The following CABLES2 variants were observed in gnomAD, a reference collection of about 807,000 sequenced individuals.
CABLES2 encodes Cdk5 and Abl enzyme substrate 2, also known as CDK5 and ABL1 enzyme substrate 2.
Under a neutral mutation model 44.8 loss-of-function variants are expected in CABLES2, and 35 were observed. That is an observed-to-expected ratio of 0.78 (90% CI 0.60 to 1.04). The LOEUF (loss-of-function observed/expected upper bound fraction) is 1.04, where lower values mean the gene tolerates loss of function less well. Ranked by LOEUF, CABLES2 falls within the 50% of genes least tolerant of loss-of-function variation. The pLI is 0.00. For synonymous variants in CABLES2, 282 were observed against 281.1 expected (o/e 1.00, Z -0.03); for missense variants, 566 against 615.7 (o/e 0.92, Z 0.85).
In CABLES2 at chr20:62,397,898, G is replaced by A. The variant is rs1469824097; in HGVS notation, c.363-1306C>T. Among the ~76,000 whole-genome samples, 6 of 149,058 alleles carry A rather than the reference G, an allele frequency of 4.0e-5. No individual in the cohort carries two copies. The East Asian group carries it at 1.2e-3, about 31-fold the overall frequency. On this transcript the variant is annotated intron_variant, in intron 1 of 9. Transcript: ENST00000279101. ...AGCAGTTGGTGGTGGTGATGGCGGT[G>A]GTGGTGATGGTGATGGCAGTGGTGA...
At chr20:62,398,059 T>TGGTGGTGGTGAC (rs1180729185) in intron 1 of CABLES2, among the ~76,000 whole-genome samples, 10,652 of 77,614 alleles carry the variant, frequency 0.14, 971 homozygotes, top group Admixed American at 0.17. Flanking sequence ...GTGATGGCGA[T>TGGTGGTGGTGAC]GGTGGTGGTG....
At chr20:62,395,452 A>G (rs982249595) in intron 3 of CABLES2, among the ~76,000 whole-genome samples, 1 of 152,194 alleles carries the variant, frequency 6.6e-6, no homozygotes, top group Non-Finnish European at 1.5e-5. Flanking sequence ...GCGGGGCTCA[A>G]CACCACCAGA....
rs2146417763 is a variant in CABLES2 at position 62,391,758 on chromosome 20, T to G, written c.1092-305A>C. Among the ~76,000 whole-genome samples, 1 of 136,602 alleles carries G rather than the reference T, an allele frequency of 7.3e-6. No homozygotes were observed. The highest frequency in any genetic ancestry group is 1.6e-5 in the Non-Finnish European group (1 of 61,386). The allele number at this position is 136,602 out of a possible 152,430, so 89.6% of individuals were successfully genotyped here. A position where few individuals can be genotyped will look rare whatever the true frequency, so the allele number is the denominator to read the frequency against. The stretch of plus-strand genomic sequence containing the variant: ...AGGCTCTGCTCTCGGTGGGGGGCAG[T>G]GGTCTCTGATGAGGGGTGGTTTTAG... On this transcript the variant is annotated intron_variant, in intron 8 of 9. Transcript: ENST00000279101. The surrounding 1 kb of genome is among the most constrained non-coding windows in gnomAD (Gnocchi z 5.7).
intron 4 of CABLES2, 117 bp from the exon 5 acceptor site, chr20:62,394,382 C>A: frequency 1.3e-6 from 1 of 758,500 alleles, no homozygotes; most frequent in Non-Finnish European, 2.2e-6. Context: ...CACAGCCCCT[C>A]GGGAAAGAAA....
chr20:62,398,288 A>ATGG (rs768769691), intron 1 of CABLES2, among the ~76,000 whole-genome samples: 3 of 59,196 alleles, frequency 5.1e-5, no homozygotes, highest in Admixed American at 2.8e-4. Context: ...GGTGGTGGTG[A>ATGG]TGGTGGCGAT....
At position 62,391,746 on chromosome 20, in the gene CABLES2, G is replaced by A. The variant is rs1158181541; in HGVS notation, c.1092-293C>T. Among the ~76,000 whole-genome samples the A allele has an allele frequency of 1.1e-4, 16 of 152,160 alleles. No homozygotes were observed. In the East Asian group the frequency reaches 1.9e-3, roughly 18 times the overall value. ...GCCACAGAGGACAGGCTCTGCTCTC[G>A]GTGGGGGGCAGTGGTCTCTGATGAG... On this transcript the variant is annotated intron_variant, in intron 8 of 9. Transcript: ENST00000279101. The surrounding 1 kb of genome is among the most constrained non-coding windows in gnomAD (Gnocchi z 5.7).
Position 62,391,590 on chromosome 20 carries a change from G to A in CABLES2, c.1092-137C>T. On this transcript the variant is annotated intron_variant, in intron 8 of 9. Coordinates refer to ENST00000279101, the MANE Select transcript of CABLES2 (RefSeq NM_031215.3). The surrounding 1 kb of genome is among the most constrained non-coding windows in gnomAD (Gnocchi z 5.7). ...ACACCACCGCATCCTTCAGGGGATGGTACCCTCCGCCGTACCATGTATAAC... is the reference window on the plus strand; with the variant it reads ...ACACCACCGCATCCTTCAGGGGATGATACCCTCCGCCGTACCATGTATAAC... 4.6e-6 allele frequency: 4 copies of A among 866,526 alleles called. No individual in the cohort carries two copies. Among genetic ancestry groups the A allele is most frequent in the South Asian group, 1.6e-5 (1 of 63,896 alleles). 53.7% of individuals were successfully genotyped at this position (866,526 alleles called of 1,614,324 possible). A position where few individuals can be genotyped will look rare whatever the true frequency, so the allele number is the denominator to read the frequency against.
rs768065458 is a variant in CABLES2 at position 62,394,269 on chromosome 20, C to G, written c.606-4G>C. ...CTGGCTGTCCACCCTCAGGTCACTG[C>G]AAACATGGGAGAGGCAAGGGGCTGT... is the stretch of plus-strand genomic sequence containing the variant. On this transcript the variant is annotated splice_region_variant and splice_polypyrimidine_tract_variant and intron_variant, in intron 4 of 9. Coordinates refer to ENST00000279101, the MANE Select transcript of CABLES2 (RefSeq NM_031215.3). The G allele has an allele frequency of 6.2e-7, 1 of 1,612,274 alleles. No individual in the cohort carries two copies. The highest frequency in any genetic ancestry group is 8.5e-7 in the Non-Finnish European group (1 of 1,179,274).
rs1387565076 is a variant in CABLES2, at chr20:62,397,972, CAGT to C, written c.363-1383_363-1381del. 2.2e-3 allele frequency among the ~76,000 whole-genome samples: 114 copies of C among 51,628 alleles called. 1 individual carries two copies. Among genetic ancestry groups the C allele is most frequent in the South Asian group, 5.8e-3 (7 of 1,208 alleles). The allele number at this position is 51,628 out of a possible 152,430, so 33.9% of individuals were successfully genotyped here. A position where few individuals can be genotyped will look rare whatever the true frequency, so the allele number is the denominator to read the frequency against. ...ACGGTAGTGGTGGTGATGGTGGTGA[CAGT>C]GGTGATGGCGGTGGTGGTGATGATG... On this transcript the variant is annotated intron_variant, in intron 1 of 9. Transcript: ENST00000279101.
chr20:62,393,111 G>T, intron 6 of CABLES2, 88 bp from the exon 7 acceptor site: 1 of 1,170,354 alleles, frequency 8.5e-7, no homozygotes, highest in Non-Finnish European at 1.3e-6. Flanking sequence ...CCATGGCGGG[G>T]CAAGGCCGAG....
At chr20:62,402,040 G>T (rs1988198276) in intron 1 of CABLES2, among the ~76,000 whole-genome samples, 1 of 152,208 alleles carries the variant, frequency 6.6e-6, no homozygotes, top group Admixed American at 6.5e-5. Flanking sequence ...GAGTTACACT[G>T]GCGGTGCCTA....
Position 62,393,362 on chromosome 20 carries a change from T to A in CABLES2, c.880+78A>T, listed in dbSNP as rs895578894. ...CTACAGATTGAAAGGGGCTTGCTGA[T>A]GCTGCTGCAGTCCCTGGGCCGTGGT... On this transcript the variant is annotated intron_variant, in intron 6 of 9. Transcript: ENST00000279101. 3 of 1,417,120 alleles carry A rather than the reference T, an allele frequency of 2.1e-6. No individual in the cohort carries two copies. The African/African-American group carries it at 4.3e-5, about 20-fold the overall frequency. 87.8% of individuals were successfully genotyped at this position (1,417,120 alleles called of 1,614,324 possible).
In CABLES2 at chr20:62,406,961, G is replaced by C; in HGVS notation, c.316C>G (p.Pro106Ala). 8.2e-7 allele frequency: 1 copy of C among 1,214,328 alleles called. No individual in the cohort carries two copies. The highest frequency in any genetic ancestry group is 1.0e-6 in the Non-Finnish European group (1 of 976,418). 75.2% of individuals were successfully genotyped at this position (1,214,328 alleles called of 1,614,324 possible). Residue 106 changes from proline to alanine, a missense_variant, in exon 1 of 10, where the codon CCC becomes GCC. Physicochemically the swap from Pro to Ala is conservative, Grantham distance 27. This residue lies in a region of CABLES2 where 436 missense variants were observed against 536.3 expected (regional missense o/e 0.81). Transcript: ENST00000279101. ...CCGAGGCCGGTGGGCACCTGCGTGGGGCTGAGCAGGCCCTGGGGCGCGGGG... is the reference window on the plus strand; with the variant it reads ...CCGAGGCCGGTGGGCACCTGCGTGGCGCTGAGCAGGCCCTGGGGCGCGGGG... ...RTPAPQGLLS[P>A]TQVPTGLGLD...
intron 1 of CABLES2, among the ~76,000 whole-genome samples, chr20:62,400,976 C>T (rs1570026): frequency 0.18 from 27,694 of 152,116 alleles, 2,742 homozygotes; most frequent in Middle Eastern, 0.26. Flanking sequence ...AGCATTCTGA[C>T]GCTCAGTTCA....
At position 62,407,109 on chromosome 20, in the gene CABLES2, G is replaced by T; in HGVS notation, c.168C>A (p.Ser56=). The change falls in exon 1 of 10, where the codon TCC becomes TCA. Residue 56 remains serine (S), a synonymous_variant. Coordinates refer to ENST00000279101, the MANE Select transcript of CABLES2 (RefSeq NM_031215.3). ...CCAGGCTCGGGGGCCGCCCGTCCAG[G>T]GAGATGTTGTTGAGGAAGAAAAGCG... ...QAALFFLNNI[S]LDGRPPSLGP... 1.9e-6 allele frequency: 2 copies of T among 1,041,812 alleles called. No individual in the cohort carries two copies. The highest frequency in any genetic ancestry group is 2.3e-6 in the Non-Finnish European group (2 of 865,298). The allele number at this position is 1,041,812 out of a possible 1,614,324, so 64.5% of individuals were successfully genotyped here.
Position 62,392,515 on chromosome 20 carries a change from G to A in CABLES2, c.985-20C>T. ...TGTGGTCTGCAACAGAGAGTGGGCA[G>A]GGTTGGGCCGGCCCCTCGCACAGTC... On this transcript the variant is annotated intron_variant, in intron 7 of 9. Coordinates refer to ENST00000279101, the MANE Select transcript of CABLES2 (RefSeq NM_031215.3). The A allele has an allele frequency of 6.3e-7, 1 of 1,576,786 alleles. No homozygotes were observed. The highest frequency in any genetic ancestry group is 8.7e-7 in the Non-Finnish European group (1 of 1,146,122).
Position 62,396,926 on chromosome 20 carries a change from G to T in CABLES2, c.363-334C>A, listed in dbSNP as rs1988032100. Among the ~76,000 whole-genome samples, 1 of 152,144 alleles carries T rather than the reference G, an allele frequency of 6.6e-6. No homozygotes were observed. The highest frequency in any genetic ancestry group is 2.1e-4 in the South Asian group (1 of 4,830). On this transcript the variant is annotated intron_variant, in intron 1 of 9. Coordinates refer to ENST00000279101, the MANE Select transcript of CABLES2 (RefSeq NM_031215.3). The surrounding 1 kb of genome is among the most constrained non-coding windows in gnomAD (Gnocchi z 5.7). ...GTCGCTCGGCCCCAAGCAACACCCT[G>T]CTGGGGGCACCACCAACTCTGACAG...
At chr20:62,394,493 G>C (rs1285584500) in intron 4 of CABLES2, among the ~76,000 whole-genome samples, 1 of 152,194 alleles carries the variant, frequency 6.6e-6, no homozygotes, top group East Asian at 1.9e-4. Flanking sequence ...GGCTGGTAGA[G>C]CCCCCGGGGT....
intron 1 of CABLES2, among the ~76,000 whole-genome samples, chr20:62,397,954 T>TGATGGTGATGATGGTGATGGTTATGGC (rs1366760733): frequency 8.1e-6 from 1 of 123,940 alleles, no homozygotes; most frequent in South Asian, 2.6e-4. Flanking sequence ...GTGACGGTAG[T>TGATGGTGATGATGGTGATGGTTATGGC]GGTGGTGATG....
Sources: gnomAD v4.1 joint callset for allele counts (sites outside exome capture counted in the v4.1 genomes callset) on GRCh38, gnomAD v4.1.1 for gene constraint, gnomAD v4.1.1 regional missense constraint, Gnocchi (gnomAD v3.1) non-coding constraint, MANE v1.5 for transcripts, NCBI Gene and HGNC (gene_info 2026-07-23, HGNC 2026-07-21) for gene names.